The following ZNF768 variants were observed in gnomAD, a reference collection of about 807,000 sequenced individuals.
ZNF768 encodes the protein zinc finger protein 768.
In ZNF768, 12 loss-of-function variants were observed where a neutral mutation model predicts 39.7. That is an observed-to-expected ratio of 0.30 (90% CI 0.19 to 0.49). The LOEUF (loss-of-function observed/expected upper bound fraction) is 0.49, where lower values mean the gene tolerates loss of function less well. ZNF768 is among the 20% of genes least tolerant of loss of function. The probability of loss-of-function intolerance (pLI) is 0.99; values close to 1 mark genes in which losing one functional copy is unlikely to be tolerated. For synonymous variants in ZNF768, 360 were observed against 288.4 expected, an observed-to-expected ratio of 1.25 and a Z score of -2.52; for missense variants, 613 against 723.2, an observed-to-expected ratio of 0.85 and a Z score of 1.75.
chr16:30,525,703 C>T lies in ZNF768; in HGVS notation c.437G>A (p.Ser146Asn). ...EPRSPGYESESSRYESQNTEL... is the reference protein window; with the variant it reads ...EPRSPGYESENSRYESQNTEL... ...AGTGTTCTGGGATTCATATCTAGAG[C>T]TCTCAGATTCATAGCCAGGGCTCCG... Residue 146 changes from serine (S) to asparagine (N), a missense_variant, in exon 2 of 2, where the codon AGC becomes AAC. Physicochemically the swap from Ser to Asn is conservative, Grantham distance 46. This residue lies in a region of ZNF768 where 347 missense variants were observed against 326.1 expected (regional missense o/e 1.06). Transcript: ENST00000380412. The T allele has an allele frequency of 6.2e-7, 1 of 1,613,676 alleles. No individual in the cohort carries two copies. The highest frequency in any genetic ancestry group is 8.5e-7 in the Non-Finnish European group (1 of 1,179,852).
In ZNF768 at chr16:30,524,683, C is replaced by A; in HGVS notation, c.1457G>T (p.Arg486Met). 5 of 1,613,062 alleles carry A rather than the reference C, an allele frequency of 3.1e-6. No individual in the cohort carries two copies. The highest frequency in any genetic ancestry group is 4.2e-6 in the Non-Finnish European group (5 of 1,179,792). The stretch of plus-strand genomic sequence containing the variant: ...GAAGCCCTTGCCGCACACGGCGCAC[C>A]TGTAGGGCCGCTCGCCCGTGTGGGA... ...QRSHTGERPY[R>M]CAVCGKGFCR... Residue 486 changes from arginine to methionine, a missense_variant, in exon 2 of 2, where the codon AGG becomes ATG. Transcript: ENST00000380412.
upstream of ZNF768, chr16:30,527,445 T>C: frequency 2.1e-6 from 1 of 477,184 alleles, no homozygotes; most frequent in Non-Finnish European, 2.7e-6. Context: ...GGGCTCGTGC[T>C]CTAGCCGCCC....
upstream of ZNF768, among the ~76,000 whole-genome samples, chr16:30,530,125 G>A (rs549847751): frequency 3.3e-5 from 5 of 152,110 alleles, no homozygotes; most frequent in East Asian, 1.9e-4. This position sits in a 1 kb window ranked among gnomAD's most constrained non-coding sequence, Gnocchi z 4.4. Context: ...CACCACGCCC[G>A]GCCGAGAATA....
rs2051318960 is a variant in ZNF768, at chr16:30,525,953, G to A, written c.187C>T (p.Pro63Ser). The A allele has an allele frequency of 6.6e-7, 1 of 1,511,620 alleles. No homozygotes were observed. Among genetic ancestry groups the A allele is most frequent in the Non-Finnish European group, 8.8e-7 (1 of 1,133,050 alleles). 93.6% of individuals were successfully genotyped at this position (1,511,620 alleles called of 1,614,324 possible). A position where few individuals can be genotyped will look rare whatever the true frequency, so the allele number is the denominator to read the frequency against. ...EIPFGLEPQSPGFEPQSPEFE... is the reference protein window; with the variant it reads ...EIPFGLEPQSSGFEPQSPEFE... ...TCTGGGCTTTGTGGCTCAAACCCAG[G>A]GCTCTGGGGTTCAAGCCCAAATGGT... The change falls in exon 2 of 2, where the codon CCT becomes TCT. Residue 63 changes from proline (P) to serine (S), a missense_variant. Physicochemically the swap from Pro to Ser is moderately conservative, Grantham distance 74. This residue lies in a region of ZNF768 where 347 missense variants were observed against 326.1 expected (regional missense o/e 1.06). Coordinates refer to ENST00000380412, the MANE Select transcript of ZNF768 (RefSeq NM_024671.4).
Position 30,524,542 on chromosome 16 carries a change from C to T in ZNF768, c.1598G>A (p.Arg533Gln), listed in dbSNP as rs752435048. The change falls in exon 2 of 2, where the codon CGG becomes CAG. Residue 533 changes from arginine (R) to glutamine (Q), a missense_variant. Around this residue, in one of 4 missense-constraint regions of ZNF768, gnomAD observed 204 missense variants for 281.7 expected, o/e 0.72. Transcript: ENST00000380412. ...TCAGCGCCGGCCCGCCGCGTGGGTC[C>T]GCTGGTGGCGGATGAGGTCGGAGCT... ...SQSSDLIRHQRTHAAGRR is the reference protein window; with the variant it reads ...SQSSDLIRHQQTHAAGRR 5 of 1,610,424 alleles carry T rather than the reference C, an allele frequency of 3.1e-6. No homozygotes were observed. The highest frequency in any genetic ancestry group is 4.2e-6 in the Non-Finnish European group (5 of 1,179,592).
chr16:30,524,898 C>T lies in ZNF768; in HGVS notation c.1242G>A (p.Ser414=), dbSNP rs890536541. 5 of 1,612,528 alleles carry T rather than the reference C, an allele frequency of 3.1e-6. No individual in the cohort carries two copies. Among genetic ancestry groups the T allele is most frequent in the Non-Finnish European group, 4.2e-6 (5 of 1,179,826 alleles). ...GICGKSFSQR[S]ALIPHARSHA... ...GGCTGCGGGCATGGGGGATAAGGGC[C>T]GACCGCTGGGAGAAGCTCTTGCCGC... is the stretch of plus-strand genomic sequence containing the variant. The change falls in exon 2 of 2, where the codon TCG becomes TCA. Residue 414 remains serine (S), a synonymous_variant. Coordinates refer to ENST00000380412, the MANE Select transcript of ZNF768 (RefSeq NM_024671.4).
chr16:30,527,328 T>A (rs929470739), upstream of ZNF768: 2 of 981,158 alleles, frequency 2.0e-6, no homozygotes, highest in African/African-American at 3.5e-5. Context: ...ATCCTCCTCC[T>A]CCCTCCTCCC....
upstream of ZNF768, chr16:30,527,121 G>A (rs2051334889): frequency 1.0e-6 from 1 of 985,362 alleles, no homozygotes; most frequent in African/African-American, 1.7e-5. Context: ...GCTTCCCGGC[G>A]CCAGCGGGGG....
chr16:30,527,971 G>A (rs1368011993), upstream of ZNF768: 1 of 152,238 alleles, frequency 6.6e-6, no homozygotes, highest in East Asian at 1.9e-4. Context: ...CTCGGGCGCA[G>A]CTTTGAATTG....
chr16:30,529,650 C>G (rs2051353430), upstream of ZNF768, among the ~76,000 whole-genome samples: 1 of 152,150 alleles, frequency 6.6e-6, no homozygotes, highest in Non-Finnish European at 1.5e-5. Context: ...TTGTGTATGC[C>G]TGACATTGGG....
Position 30,524,352 on chromosome 16 carries a change from A to G in ZNF768, c.*165T>C. 8.3e-7 allele frequency: 1 copy of G among 1,209,486 alleles called. No individual in the cohort carries two copies. The highest frequency in any genetic ancestry group is 1.1e-6 in the Non-Finnish European group (1 of 899,022). 74.9% of individuals were successfully genotyped at this position (1,209,486 alleles called of 1,614,324 possible). A position where few individuals can be genotyped will look rare whatever the true frequency, so the allele number is the denominator to read the frequency against. On this transcript the variant is annotated 3_prime_UTR_variant, in exon 2 of 2. Coordinates refer to ENST00000380412, the MANE Select transcript of ZNF768 (RefSeq NM_024671.4). The stretch of plus-strand genomic sequence containing the variant: ...CTGGCCTCCCTCCAACCCACTTCCC[A>G]CAAGTCTCCAGGGCATGTCACTTCC...
In ZNF768 at chr16:30,526,001, C is replaced by A. The variant is rs2051319462; in HGVS notation, c.139G>T (p.Gly47Trp). 1 of 1,499,356 alleles carries A rather than the reference C, an allele frequency of 6.7e-7. No homozygotes were observed. Among genetic ancestry groups the A allele is most frequent in the Non-Finnish European group, 8.9e-7 (1 of 1,127,514 alleles). The allele number at this position is 1,499,356 out of a possible 1,614,324, so 92.9% of individuals were successfully genotyped here. A position where few individuals can be genotyped will look rare whatever the true frequency, so the allele number is the denominator to read the frequency against. Residue 47 changes from glycine (G) to tryptophan (W), a missense_variant, in exon 2 of 2, where the codon GGG (glycine) becomes TGG (tryptophan). Around this residue, in one of 4 missense-constraint regions of ZNF768, gnomAD observed 347 missense variants for 326.1 expected, o/e 1.06. Coordinates refer to ENST00000380412, the MANE Select transcript of ZNF768 (RefSeq NM_024671.4). ...GGTATCTCTTCGACTTCATAGTCCC[C>A]ACTGCCTTCTTGCTGAGAAATTTCC... is the stretch of plus-strand genomic sequence containing the variant. The part of the protein sequence containing the change: ...EEEISQQEGS[G>W]DYEVEEIPFG...
intron 1 of ZNF768, 63 bp downstream of exon 1, chr16:30,526,263 C>G: frequency 6.2e-7 from 1 of 1,600,102 alleles, no homozygotes; most frequent in Non-Finnish European, 8.5e-7. Context: ...CGCTCCCTCC[C>G]TGGAGCCACA....
chr16:30,526,442 G>A lies in ZNF768; in HGVS notation c.-29C>T, dbSNP rs1206567463. On this transcript the variant is annotated 5_prime_UTR_variant, in exon 1 of 2. Transcript: ENST00000380412. ...CGCGGGCTCCCAGTGCAGCGGCGGCGGCGATGGCGGCCGATCCCGCGACCC... is the reference window on the plus strand; with the variant it reads ...CGCGGGCTCCCAGTGCAGCGGCGGCAGCGATGGCGGCCGATCCCGCGACCC... 4 of 1,524,570 alleles carry A rather than the reference G, an allele frequency of 2.6e-6. No individual in the cohort carries two copies. In the South Asian group the frequency reaches 3.7e-5, roughly 14 times the overall value. The allele number at this position is 1,524,570 out of a possible 1,614,324, so 94.4% of individuals were successfully genotyped here. A position where few individuals can be genotyped will look rare whatever the true frequency, so the allele number is the denominator to read the frequency against.
rs1293054495 is a variant in ZNF768, at chr16:30,525,485, G to T, written c.655C>A (p.Pro219Thr). 6.2e-7 allele frequency: 1 copy of T among 1,614,164 alleles called. No homozygotes were observed. The highest frequency in any genetic ancestry group is 8.5e-7 in the Non-Finnish European group (1 of 1,180,036). Residue 219 changes from proline to threonine, a missense_variant, in exon 2 of 2, where the codon CCC becomes ACC. Coordinates refer to ENST00000380412, the MANE Select transcript of ZNF768 (RefSeq NM_024671.4). ...GGTGTAGACAGCAGGGCCCCTGTGGGCATCTCAAAAGGTGGCCCTATGGGC... is the reference window on the plus strand; with the variant it reads ...GGTGTAGACAGCAGGGCCCCTGTGGTCATCTCAAAAGGTGGCCCTATGGGC... Reference protein sequence around the residue: ...DLPIGPPFEMPTGALLSTPQF... With the variant: ...DLPIGPPFEMTTGALLSTPQF...
upstream of ZNF768, chr16:30,527,209 G>A: frequency 1.0e-6 from 1 of 985,404 alleles, no homozygotes; most frequent in Middle Eastern, 5.2e-4. Context: ...GACTCCCCTT[G>A]GCCTCGCCGA....
chr16:30,529,026 G>T (rs2051349857), upstream of ZNF768, among the ~76,000 whole-genome samples: 5 of 152,216 alleles, frequency 3.3e-5, no homozygotes, highest in Admixed American at 3.3e-4. Context: ...ATGCTGCCCA[G>T]GCACCCGCAT....
In ZNF768 at chr16:30,526,478, G is replaced by A; in HGVS notation, c.-65C>T. On this transcript the variant is annotated 5_prime_UTR_variant, in exon 1 of 2. Coordinates refer to ENST00000380412, the MANE Select transcript of ZNF768 (RefSeq NM_024671.4). ...CCGATCCCGCGACCCGGCCTCGGTT[G>A]CCCCGAGCCGCGGGCCCCCGCCTCC... 7.6e-7 allele frequency: 1 copy of A among 1,308,452 alleles called. No homozygotes were observed. The highest frequency in any genetic ancestry group is 9.7e-7 in the Non-Finnish European group (1 of 1,028,914). 81.1% of individuals were successfully genotyped at this position (1,308,452 alleles called of 1,614,324 possible). A position where few individuals can be genotyped will look rare whatever the true frequency, so the allele number is the denominator to read the frequency against.
chr16:30,526,205 C>T lies in ZNF768; in HGVS notation c.88+121G>A. ...CTCAGCTGACCCAAGACACCCCAGT[C>T]CCCGCCGGCCCCTCCTTCGAGTCCC... On this transcript the variant is annotated intron_variant, in intron 1 of 1. Coordinates refer to ENST00000380412, the MANE Select transcript of ZNF768 (RefSeq NM_024671.4). 6 of 1,536,404 alleles carry T rather than the reference C, an allele frequency of 3.9e-6. No homozygotes were observed. The South Asian group carries it at 4.8e-5, about 12-fold the overall frequency.
Sources: allele counts gnomAD v4.1 joint callset (sites outside exome capture counted in the v4.1 genomes callset), GRCh38; gene constraint gnomAD v4.1.1; regional missense constraint gnomAD v4.1.1; non-coding constraint Gnocchi (gnomAD v3.1); transcripts MANE v1.5; gene names NCBI Gene and HGNC (gene_info 2026-07-23, HGNC 2026-07-21).